The following CUX1 variants were observed in gnomAD, a reference collection of about 807,000 sequenced individuals.
CUX1 encodes cut like homeobox 1.
CUX1 carries 31 observed loss-of-function variants against 158.8 expected under a neutral mutation model. The observed-to-expected ratio is 0.20, with a 90% confidence interval of 0.15 to 0.26. The LOEUF (loss-of-function observed/expected upper bound fraction) is 0.26, where lower values mean the gene tolerates loss of function less well. Ranked by LOEUF, CUX1 falls within the 10% of genes least tolerant of loss-of-function variation. CUX1 has a pLI of 1.00. For synonymous variants in CUX1, 879 were observed against 862.1 expected, an observed-to-expected ratio of 1.02 and a Z score of -0.34; for missense variants, 1,589 against 2,014.6, an observed-to-expected ratio of 0.79 and a Z score of 4.04.
chr7:101,957,962 T>C (rs1394455184), intron 2 of CUX1, among the ~76,000 whole-genome samples: 1 of 152,160 alleles, frequency 6.6e-6, no homozygotes, highest in Non-Finnish European at 1.5e-5. Context: ...AGTAATTCAG[T>C]CATCTGAGTT....
rs541844477 is a variant in CUX1 at position 101,921,238 on chromosome 7, G to A, written c.141+5013G>A. On this transcript the variant is annotated intron_variant, in intron 2 of 23. Transcript: ENST00000292535. ...ATAAATAATGTAACAACAGGGCCCC[G>A]CTCGCAGGGTTGCTGTGTGCACATA... Among the ~76,000 whole-genome samples the A allele has an allele frequency of 3.3e-5, 5 of 152,210 alleles. No individual in the cohort carries two copies. In the East Asian group the frequency reaches 7.7e-4, roughly 24 times the overall value.
chr7:102,280,854 C>T (rs782731687), exon 20 of CUX1: 2 of 1,612,340 alleles, frequency 1.2e-6, no homozygotes, highest in Non-Finnish European at 1.7e-6. Context: ...AGGCCACCCT[C>T]AGCATGGTGA....
intron 3 of CUX1, among the ~76,000 whole-genome samples, chr7:102,049,920 T>C (rs2130039255): frequency 1.3e-5 from 2 of 152,186 alleles, no homozygotes; most frequent in South Asian, 4.2e-4. Context: ...GCTGCCGCTC[T>C]AGGAACAGTC....
chr7:101,834,598 C>T (rs149333738), intron 1 of CUX1, among the ~76,000 whole-genome samples: 67 of 152,156 alleles, frequency 4.4e-4, no homozygotes, highest in African/African-American at 1.5e-3. Context: ...AATTTTTTTT[C>T]TGTTCTAAAC....
At position 102,245,594 on chromosome 7, in the gene CUX1, A is replaced by G. The variant is rs192033230; in HGVS notation, c.3888-2818A>G. On this transcript the variant is annotated intron_variant, in intron 23 of 23. Coordinates refer to ENST00000292535, the MANE Select transcript of CUX1 (RefSeq NM_181552.4). ...GAATGGCTACTTTGGGTCCTACATC[A>G]TACATTTAATACCTTATTTAATCTT... Among the ~76,000 whole-genome samples, 22 of 152,308 alleles carry G rather than the reference A, an allele frequency of 1.4e-4. No homozygotes were observed. In the East Asian group the frequency reaches 4.1e-3, roughly 28 times the overall value.
chr7:102,101,104 G>A (rs563362564), intron 5 of CUX1, among the ~76,000 whole-genome samples: 4 of 152,186 alleles, frequency 2.6e-5, no homozygotes, highest in South Asian at 4.1e-4. Flanking sequence ...TGAGGGATTC[G>A]CCCCCATGAC....
chr7:101,840,135 G>T (rs1362890134), intron 1 of CUX1, among the ~76,000 whole-genome samples: 1 of 152,168 alleles, frequency 6.6e-6, no homozygotes, highest in Admixed American at 6.5e-5. Flanking sequence ...ATTGGTTTTT[G>T]TTGATTTCGA....
At chr7:102,273,227 T>G in intron 14 of CUX1, 1 of 1,186,740 alleles carries the variant, frequency 8.4e-7, no homozygotes, top group Non-Finnish European at 1.2e-6. Context: ...CAGTGGTGAG[T>G]TGGGAGGGAA....
Position 102,229,611 on chromosome 7 carries a change from C to CTTT in CUX1, c.3433+1964_3433+1966dup, listed in dbSNP as rs781991747. On this transcript the variant is annotated intron_variant, in intron 21 of 23. Coordinates refer to ENST00000292535, the MANE Select transcript of CUX1 (RefSeq NM_181552.4). ...ACAGGCATGAGCCACCGTGTCTGGC[C>CTTT]TTTTTTTTTTTTTTTTTTTTTTTTG... is the stretch of plus-strand genomic sequence containing the variant. 2.5e-3 allele frequency among the ~76,000 whole-genome samples: 174 copies of CTTT among 69,998 alleles called. 1 individual carries two copies. Among genetic ancestry groups the CTTT allele is most frequent in the African/African-American group, 4.2e-3 (61 of 14,522 alleles). 45.9% of individuals were successfully genotyped at this position (69,998 alleles called of 152,430 possible).
chr7:102,043,590 C>T (rs577631791), intron 3 of CUX1, among the ~76,000 whole-genome samples: 13 of 152,064 alleles, frequency 8.5e-5, no homozygotes, highest in South Asian at 2.1e-4. Context: ...AAGGGATGAC[C>T]GTGTGTATAG....
chr7:102,150,511 C>G (rs1225933385), intron 8 of CUX1, among the ~76,000 whole-genome samples: 1 of 152,200 alleles, frequency 6.6e-6, no homozygotes. Flanking sequence ...TTGAAGGCCG[C>G]TCTGTATGTT....
In CUX1 at chr7:102,157,401, G is replaced by C. The variant is rs184150507; in HGVS notation, c.675-1159G>C. On this transcript the variant is annotated intron_variant, in intron 8 of 23. Transcript: ENST00000292535. ...CTAACAGAGACCATCCTCAGGACCT[G>C]CTTGCAGACATTGGGGTGGTGGTCT... Among the ~76,000 whole-genome samples the C allele has an allele frequency of 1.3e-3, 193 of 152,190 alleles. 1 individual carries two copies. The highest frequency in any genetic ancestry group is 3.4e-3 in the Middle Eastern group (1 of 294).
chr7:101,849,458 G>T (rs935682727), intron 1 of CUX1, among the ~76,000 whole-genome samples: 4 of 151,990 alleles, frequency 2.6e-5, no homozygotes, highest in African/African-American at 4.8e-5. Flanking sequence ...GAGTTAGTTT[G>T]CAAAGGATAA....
intron 20 of CUX1, among the ~76,000 whole-genome samples, chr7:102,221,894 C>T (rs1554527062): frequency 1.3e-5 from 2 of 152,080 alleles, no homozygotes; most frequent in Non-Finnish European, 2.9e-5. Context: ...CTGCAGGCTG[C>T]AGGGTCCTTG....
chr7:102,145,636 A>G (rs1194653854), intron 8 of CUX1, among the ~76,000 whole-genome samples: 1 of 152,004 alleles, frequency 6.6e-6, no homozygotes, highest in Non-Finnish European at 1.5e-5. Flanking sequence ...AAGTCTGTCC[A>G]AGGTCAAACA....
At chr7:101,984,109 T>TATATATAC in intron 2 of CUX1, among the ~76,000 whole-genome samples, 1 of 39,950 alleles carries the variant, frequency 2.5e-5, no homozygotes, top group African/African-American at 9.2e-5. Context: ...TATATATATA[T>TATATATAC]ATATATATAT....
chr7:101,874,245 C>A (rs988885131), intron 1 of CUX1, among the ~76,000 whole-genome samples: 11 of 152,122 alleles, frequency 7.2e-5, no homozygotes, highest in African/African-American at 2.2e-4. Flanking sequence ...CCGTGCAGGC[C>A]GTTGATAGAA....
chr7:101,824,594 A>G (rs1793049538), intron 1 of CUX1: 1 of 152,250 alleles, frequency 6.6e-6, no homozygotes, highest in African/African-American at 2.4e-5. Context: ...CGTGGGCTGC[A>G]GTGAGGGAAG....
At chr7:101,892,904 C>G (rs1801044297) in intron 1 of CUX1, among the ~76,000 whole-genome samples, 1 of 152,050 alleles carries the variant, frequency 6.6e-6, no homozygotes, top group Non-Finnish European at 1.5e-5. Context: ...AACCCTTTCT[C>G]TTTTTCCTTC....
Sources: gnomAD v4.1 joint callset for allele counts (sites outside exome capture counted in the v4.1 genomes callset) on GRCh38, gnomAD v4.1.1 for gene constraint, MANE v1.5 for transcripts, NCBI Gene and HGNC (gene_info 2026-07-23, HGNC 2026-07-21) for gene names.